Variants in NEB observed in about 807,000 individuals in gnomAD.
NEB encodes the protein nebulin, also known as nemaline myopathy type 2.
Under a neutral mutation model 952.2 loss-of-function variants are expected in NEB, and 512 were observed. The ratio of observed to expected loss-of-function variants is 0.54; its 90% CI spans 0.50 to 0.58. The LOEUF (loss-of-function observed/expected upper bound fraction) is 0.58. Among genes scored for constraint, NEB ranks in the 20% least tolerant of loss-of-function variants. The pLI is 0.00. For synonymous variants in NEB, 2,900 were observed against 3,149.8 expected (o/e 0.92, Z 2.66); for missense variants, 8,428 against 9,231.1 (o/e 0.91, Z 3.56).
At chr2:151,525,819 G>C in intron 150 of NEB, 139 bp downstream of exon 150, 1 of 756,082 alleles carries the variant, frequency 1.3e-6, no homozygotes, top group Non-Finnish European at 2.4e-6. Flanking sequence ...TTAAAAGTCA[G>C]AGTTTAAGAT....
In NEB at chr2:151,496,955, C is replaced by G. The variant is rs762790812; in HGVS notation, c.24379G>C (p.Glu8127Gln). 2.5e-6 allele frequency: 4 copies of G among 1,576,042 alleles called. No homozygotes were observed. Among genetic ancestry groups the G allele is most frequent in the South Asian group, 1.2e-5 (1 of 86,230 alleles). Reference protein sequence around the residue: ...PEMERVKHNQENISSVLYKEN... With the variant: ...PEMERVKHNQQNISSVLYKEN... ...TGCCCAAGTACCGAGCTAATATTTT[C>G]TTGATTGTGTTTGACTCTCTCCATC... Residue 8127 changes from glutamate (E) to glutamine (Q), a missense_variant, in exon 172 of 182, where the codon GAA (glutamate) becomes CAA (glutamine). Glu to Gln is a conservative substitution (Grantham distance 29). Around this residue, in one of 11 missense-constraint regions of NEB, gnomAD observed 3,374 missense variants for 3,651.5 expected, o/e 0.92. Coordinates refer to ENST00000397345, the MANE Select transcript of NEB (RefSeq NM_001164508.2).
At chr2:151,501,542 T>A in intron 167 of NEB, 59 bp from the exon 168 acceptor site, 2 of 988,464 alleles carry the variant, frequency 2.0e-6, no homozygotes, top group Non-Finnish European at 2.8e-6. Context: ...TAGGTAGACT[T>A]AACCTAAAAA....
At chr2:151,513,259 T>G (rs1167643977) in intron 160 of NEB, among the ~76,000 whole-genome samples, 1 of 152,214 alleles carries the variant, frequency 6.6e-6, no homozygotes, top group African/African-American at 2.4e-5. Context: ...AAGGAATTCC[T>G]GGCATCAAAT....
rs187093710 is a variant in NEB, at chr2:151,704,783, C to T, written c.1152+2098G>A. ...CTGGCACTGCCTAGTGAGATGAACC[C>T]GGTACCTCAGATGGAAATGCAGAAA... On this transcript the variant is annotated intron_variant, in intron 13 of 181. Transcript: ENST00000397345. Among the ~76,000 whole-genome samples, 68 of 152,288 alleles carry T rather than the reference C, an allele frequency of 4.5e-4. 1 individual carries two copies. Among genetic ancestry groups the T allele is most frequent in the African/African-American group, 1.6e-3 (67 of 41,572 alleles).
chr2:151,510,585 GGAGA>G (rs571809291), intron 161 of NEB, among the ~76,000 whole-genome samples: 65 of 152,156 alleles, frequency 4.3e-4, no homozygotes, highest in South Asian at 3.5e-3. Flanking sequence ...ATATTCTGAG[GGAGA>G]GAGAGAGACC....
chr2:151,568,204 G>A (rs1372416805), intron 112 of NEB, 26 bp from the exon 113 acceptor site: 1 of 1,603,842 alleles, frequency 6.2e-7, no homozygotes. Context: ...ACCATAAAGG[G>A]TTAAAATGAG....
rs747017871 is a variant in NEB, at chr2:151,669,134, A to G, written c.4507-3T>C. The G allele has an allele frequency of 1.9e-6, 3 of 1,547,282 alleles. No individual in the cohort carries two copies. Among genetic ancestry groups the G allele is most frequent in the Admixed American group, 1.9e-5 (1 of 53,636 alleles). On this transcript the variant is annotated splice_region_variant and splice_polypyrimidine_tract_variant and intron_variant, in intron 38 of 181. Coordinates refer to ENST00000397345, the MANE Select transcript of NEB (RefSeq NM_001164508.2). Reference sequence around the variant, plus strand: ...TCTCCCTCTACCTTGTAGTTCAACTAAAAACAAAGGAGACAGCATGCACAT... The same window carrying G: ...TCTCCCTCTACCTTGTAGTTCAACTGAAAACAAAGGAGACAGCATGCACAT...
In NEB at chr2:151,514,874, G is replaced by A. The variant is rs1405486910; in HGVS notation, c.22960C>T (p.Leu7654=). Residue 7654 remains leucine, a synonymous_variant, in exon 158 of 182, where the codon CTG becomes TTG. Coordinates refer to ENST00000397345, the MANE Select transcript of NEB (RefSeq NM_001164508.2). ...TGTAACAAAGCTGGCGTGACCTCCA[G>A]GCCAGTCAGGTTTCTGCCTTTAATG... ...ESIKGRNLTG[L]EVTPALLHVK... is the part of the protein sequence containing the mutation. 6.3e-7 allele frequency: 1 copy of A among 1,588,456 alleles called. No individual in the cohort carries two copies. Among genetic ancestry groups the A allele is most frequent in the African/African-American group, 1.3e-5 (1 of 74,572 alleles).
chr2:151,573,112 C>T (rs148435739), intron 107 of NEB, among the ~76,000 whole-genome samples: 13 of 152,158 alleles, frequency 8.5e-5, no homozygotes, highest in East Asian at 7.7e-4. Context: ...TTCTAAATAA[C>T]GGCAGCAGTT....
At chr2:151,670,958 C>T (rs1384942507) in intron 38 of NEB, 65 bp downstream of exon 38, 20 of 1,481,494 alleles carry the variant, frequency 1.3e-5, no homozygotes, top group Admixed American at 1.7e-5. Context: ...TTAAGAAGGA[C>T]GGAGGAGCGG....
intron 173 of NEB, chr2:151,495,050 C>T (rs888879276): frequency 2.0e-5 from 3 of 152,258 alleles, no homozygotes; most frequent in African/African-American, 7.2e-5. Context: ...GTTTCCCCTA[C>T]CCTCTTTTTC....
chr2:151,655,665 T>C (rs1575273723), intron 50 of NEB, among the ~76,000 whole-genome samples, 152 bp downstream of exon 50: 1 of 152,096 alleles, frequency 6.6e-6, no homozygotes, highest in South Asian at 2.1e-4. Context: ...AAATAAGAGA[T>C]GGGCAGAAGA....
chr2:151,660,571 T>C (rs1394593561), intron 46 of NEB, among the ~76,000 whole-genome samples: 2 of 152,240 alleles, frequency 1.3e-5, no homozygotes, highest in Non-Finnish European at 2.9e-5. Context: ...TTTTAGCCCA[T>C]CTTAATTAAA....
intron 65 of NEB, among the ~76,000 whole-genome samples, chr2:151,632,331 A>G (rs1488139135): frequency 1.3e-5 from 2 of 151,008 alleles, no homozygotes; most frequent in African/African-American, 2.4e-5. Context: ...AAAAAAAACT[A>G]TTAGAATTAG....
intron 36 of NEB, 50 bp downstream of exon 36, chr2:151,674,427 T>C: frequency 7.4e-7 from 1 of 1,352,682 alleles, no homozygotes; most frequent in Non-Finnish European, 1.1e-6. Context: ...AGCATTTGAT[T>C]ACTTTTCAAA....
chr2:151,567,777 A>G (rs997637293), intron 113 of NEB, among the ~76,000 whole-genome samples: 3 of 152,206 alleles, frequency 2.0e-5, no homozygotes, highest in African/African-American at 7.2e-5. Flanking sequence ...ATTTTTATTC[A>G]AAGGCCTAAA....
rs562190656 is a variant in NEB, at chr2:151,534,074, T to TG, written c.21313-529dup. 3.9e-4 allele frequency: 252 copies of TG among 643,878 alleles called. 2 individuals are homozygous for TG. The South Asian group carries it at 5.2e-3, about 13-fold the overall frequency. 39.9% of individuals were successfully genotyped at this position (643,878 alleles called of 1,614,324 possible). On this transcript the variant is annotated intron_variant, in intron 142 of 181. Transcript: ENST00000397345. ...TCAAATAGCTGACGGGCTTTTTGGG[T>TG]GGCTAGACAGATACTTTGAAACAGA...
Position 151,503,336 on chromosome 2 carries a change from T to C in NEB, c.23835+13A>G, listed in dbSNP as rs368353531. Reference sequence around the variant, plus strand: ...ATGGGAAATAGTTTCTTATATGATATATTTGTAAATACCGAGCTAAAGTTC... The same window carrying C: ...ATGGGAAATAGTTTCTTATATGATACATTTGTAAATACCGAGCTAAAGTTC... On this transcript the variant is annotated intron_variant, in intron 166 of 181. Transcript: ENST00000397345. 2.1e-5 allele frequency: 33 copies of C among 1,562,738 alleles called. No homozygotes were observed. The African/African-American group carries it at 3.3e-4, about 15-fold the overall frequency.
chr2:151,655,727 G>A, intron 50 of NEB, 90 bp downstream of exon 50: 2 of 1,353,306 alleles, frequency 1.5e-6, no homozygotes, highest in South Asian at 1.2e-5. Context: ...TAGGAATGAT[G>A]GACCTTAATT....
Sources: gnomAD v4.1 joint callset for allele counts (sites outside exome capture counted in the v4.1 genomes callset) on GRCh38, gnomAD v4.1.1 for gene constraint, gnomAD v4.1.1 regional missense constraint, MANE v1.5 for transcripts, NCBI Gene and HGNC (gene_info 2026-07-23, HGNC 2026-07-21) for gene names.